The following XYLT1 variants were observed in gnomAD, a reference collection of about 807,000 sequenced individuals.
XYLT1 encodes the protein beta-D-xylosyltransferase 1.
A neutral mutation model predicts 91.3 loss-of-function variants in XYLT1; 36 were observed. The observed-to-expected ratio is 0.39, with a 90% confidence interval of 0.30 to 0.52. The LOEUF is 0.52. Among genes scored for constraint, XYLT1 ranks in the 20% least tolerant of loss-of-function variants. The probability of loss-of-function intolerance (pLI) is 0.68; values close to 1 mark genes in which losing one functional copy is unlikely to be tolerated. For missense variants in XYLT1, 1,242 were observed against 1,284.5 expected, an observed-to-expected ratio of 0.97 and a Z score of 0.51; for synonymous variants, 588 against 532.0, an observed-to-expected ratio of 1.11 and a Z score of -1.45.
chr16:17,339,367 A>C (rs2141845599), intron 2 of XYLT1, among the ~76,000 whole-genome samples: 1 of 152,364 alleles, frequency 6.6e-6, no homozygotes, highest in South Asian at 2.1e-4. Context: ...ACACCAACAG[A>C]AATTGCAGAT....
chr16:17,248,009 T>C (rs140134394), intron 3 of XYLT1, among the ~76,000 whole-genome samples: 3,238 of 152,250 alleles, frequency 0.021, 108 homozygotes, highest in Admixed American at 0.1. Context: ...TGCCAGACCC[T>C]TACCTTTGGG....
At chr16:17,169,033 C>T (rs1214030063) in intron 5 of XYLT1, among the ~76,000 whole-genome samples, 1 of 152,188 alleles carries the variant, frequency 6.6e-6, no homozygotes, top group African/African-American at 2.4e-5. Context: ...TGTTTGGTCT[C>T]CTGGGAAAAA....
chr16:17,154,445 C>T (rs143927020), intron 6 of XYLT1, among the ~76,000 whole-genome samples: 131 of 152,326 alleles, frequency 8.6e-4, no homozygotes, highest in Non-Finnish European at 1.6e-3. Context: ...CCTGTCCCCA[C>T]ACACTGAGAC....
intron 6 of XYLT1, among the ~76,000 whole-genome samples, chr16:17,153,568 C>T (rs2031334066): frequency 6.6e-6 from 1 of 152,230 alleles, no homozygotes; most frequent in South Asian, 2.1e-4. Flanking sequence ...GTGTGAGCCA[C>T]TGTGCCCGGC....
At chr16:17,298,297 A>C (rs1338565139) in intron 2 of XYLT1, among the ~76,000 whole-genome samples, 1 of 152,098 alleles carries the variant, frequency 6.6e-6, no homozygotes, top group Non-Finnish European at 1.5e-5. Context: ...AGGACCAAAA[A>C]ACCTTGGCCC....
At chr16:17,134,772 A>G in intron 8 of XYLT1, 37 bp from the exon 9 acceptor site, 1 of 1,607,680 alleles carries the variant, frequency 6.2e-7, no homozygotes, top group Admixed American at 1.7e-5. Context: ...AAGCCACATC[A>G]GCGAGTGCTG....
At chr16:17,353,291 G>A (rs574510569) in intron 2 of XYLT1, among the ~76,000 whole-genome samples, 2 of 152,084 alleles carry the variant, frequency 1.3e-5, no homozygotes, top group African/African-American at 4.8e-5. Context: ...ATCTCCCAAC[G>A]TATCTCAGTG....
At chr16:17,304,167 G>A (rs1011738275) in intron 2 of XYLT1, among the ~76,000 whole-genome samples, 1 of 152,004 alleles carries the variant, frequency 6.6e-6, no homozygotes, top group African/African-American at 2.4e-5. Flanking sequence ...TCGTGGTGAA[G>A]GGAAAAAAAA....
rs573302471 is a variant in XYLT1 at position 17,396,763 on chromosome 16, C to T, written c.364-38713G>A. On this transcript the variant is annotated intron_variant, in intron 1 of 11. Coordinates refer to ENST00000261381, the MANE Select transcript of XYLT1 (RefSeq NM_022166.4). ...GCAGGTACCTGTAATCCCAGCTACT[C>T]GGGAATCTGAGGCAGGAGAATGGCT... 6.8e-4 allele frequency among the ~76,000 whole-genome samples: 103 copies of T among 152,088 alleles called. No individual in the cohort carries two copies. In the South Asian group the frequency reaches 0.021, roughly 31 times the overall value.
At chr16:17,368,581 GT>G (rs2035485488) in intron 1 of XYLT1, among the ~76,000 whole-genome samples, 1 of 123,054 alleles carries the variant, frequency 8.1e-6, no homozygotes, top group Non-Finnish European at 1.7e-5. Flanking sequence ...TTTTTTTTTG[GT>G]TTTTACTTTA....
At chr16:17,451,283 T>G (rs901687024) in intron 1 of XYLT1, among the ~76,000 whole-genome samples, 22 of 152,200 alleles carry the variant, frequency 1.4e-4, no homozygotes, top group Non-Finnish European at 5.9e-5. Flanking sequence ...CTGTCCTTCT[T>G]CCCAAATGAC....
At position 17,141,323 on chromosome 16, in the gene XYLT1, C is replaced by T. The variant is rs1310366694; in HGVS notation, c.1417G>A (p.Ala473Thr). The T allele has an allele frequency of 5.0e-6, 8 of 1,614,172 alleles. No homozygotes were observed. Among genetic ancestry groups the T allele is most frequent in the African/African-American group, 1.3e-5 (1 of 75,044 alleles). ...CGATCTCCCAGGCGCCACATGTGAG[C>T]GTCGCACTCCAGGAAGAGCCGATCC... ...GLDRLFLECD[A>T]HMWRLGDRRI... The change falls in exon 7 of 12, where the codon GCT (alanine) becomes ACT (threonine). Residue 473 changes from alanine to threonine, a missense_variant. Coordinates refer to ENST00000261381, the MANE Select transcript of XYLT1 (RefSeq NM_022166.4).
intron 2 of XYLT1, among the ~76,000 whole-genome samples, chr16:17,289,066 C>G (rs1333911598): frequency 1.3e-5 from 2 of 152,184 alleles, no homozygotes; most frequent in Non-Finnish European, 2.9e-5. Flanking sequence ...CCACGATGAT[C>G]TATACCTAGG....
chr16:17,325,603 A>G (rs78803595), intron 2 of XYLT1, among the ~76,000 whole-genome samples: 2,922 of 152,320 alleles, frequency 0.019, 50 homozygotes, highest in South Asian at 0.059. Flanking sequence ...AAGACTGGAA[A>G]AAAACATACA....
intron 1 of XYLT1, among the ~76,000 whole-genome samples, chr16:17,469,862 G>C (rs1054152533): frequency 6.6e-6 from 1 of 152,168 alleles, no homozygotes; most frequent in Non-Finnish European, 1.5e-5. Flanking sequence ...ATCCAGAGAA[G>C]AGAAACAGAA....
intron 2 of XYLT1, among the ~76,000 whole-genome samples, chr16:17,279,894 G>T (rs934158116): frequency 2.0e-5 from 3 of 152,186 alleles, no homozygotes; most frequent in African/African-American, 7.2e-5. Flanking sequence ...ATCTTCCGTG[G>T]CACTGCCGAG....
chr16:17,393,836 C>A (rs993240926), intron 1 of XYLT1, among the ~76,000 whole-genome samples: 1 of 151,950 alleles, frequency 6.6e-6, no homozygotes, highest in Non-Finnish European at 1.5e-5. Context: ...AGTGCAGTGG[C>A]GCCATCTTGG....
At chr16:17,305,880 G>A (rs1031809640) in intron 2 of XYLT1, among the ~76,000 whole-genome samples, 8 of 152,098 alleles carry the variant, frequency 5.3e-5, no homozygotes, top group Admixed American at 1.3e-4. Flanking sequence ...TGACACCGCC[G>A]TGGTGGGGAG....
chr16:17,189,684 A>G (rs1400608149), intron 5 of XYLT1, among the ~76,000 whole-genome samples: 1 of 152,260 alleles, frequency 6.6e-6, no homozygotes, highest in Non-Finnish European at 1.5e-5. Context: ...ATGAACCTCA[A>G]CGATATTAAG....
Sources: gnomAD v4.1 joint callset for allele counts (sites outside exome capture counted in the v4.1 genomes callset) on GRCh38, gnomAD v4.1.1 for gene constraint, MANE v1.5 for transcripts, NCBI Gene and HGNC (gene_info 2026-07-23, HGNC 2026-07-21) for gene names.